Variants in SPATA6L observed in about 807,000 individuals in gnomAD.
The protein encoded by SPATA6L is spermatogenesis associated 6 like, also known as spermatogenesis associated 6-like protein.
In SPATA6L, 68 loss-of-function variants were observed where a neutral mutation model predicts 49.2. That is an observed-to-expected ratio of 1.38 (90% CI 1.14 to 1.69). SPATA6L has a LOEUF of 1.69. Ranked by LOEUF, SPATA6L falls within the 40% of genes most tolerant of loss-of-function variation. The pLI is 0.00. For synonymous variants in SPATA6L, 198 were observed against 165.7 expected (o/e 1.19, Z -1.50); for missense variants, 668 against 464.3 (o/e 1.44, Z -4.03).
At chr9:4,605,554 A>G (rs972163367) in intron 9 of SPATA6L, 114 bp from the exon 10 acceptor site, 6 of 680,580 alleles carry the variant, frequency 8.8e-6, no homozygotes, top group Non-Finnish European at 1.5e-5. Flanking sequence ...AAACAGCAGC[A>G]TGCAAAATGG....
In SPATA6L at chr9:4,625,373, T is replaced by C; in HGVS notation, c.623A>G (p.Asn208Ser). Residue 208 changes from asparagine to serine, a missense_variant, in exon 6 of 12, where the codon AAT becomes AGT. Asn to Ser is a conservative substitution (Grantham distance 46). Coordinates refer to ENST00000682582, the MANE Select transcript of SPATA6L (RefSeq NM_001353486.2). The stretch of plus-strand genomic sequence containing the variant: ...CTTGCTTCCTCCAGAGATTTTGAAA[T>C]TATTTCCAAGGTTCAACTGAGCTGG... ...DQPAQLNLGN[N>S]FKISGGSKPP... The C allele has an allele frequency of 2.5e-6, 4 of 1,614,098 alleles. No individual in the cohort carries two copies. Among genetic ancestry groups the C allele is most frequent in the Non-Finnish European group, 2.5e-6 (3 of 1,179,998 alleles).
chr9:4,664,680 T>A (rs897221780), intron 1 of SPATA6L: 1 of 167,096 alleles, frequency 6.0e-6, no homozygotes, highest in Admixed American at 6.5e-5. Flanking sequence ...TTAATGACTA[T>A]TTTGGCATTT....
chr9:4,590,161 T>C (rs1345313559), intron 13 of SPATA6L, among the ~76,000 whole-genome samples: 1 of 152,150 alleles, frequency 6.6e-6, no homozygotes, highest in South Asian at 2.1e-4. Flanking sequence ...TGACCTCAGG[T>C]GATCTGCCTG....
intron 6 of SPATA6L, among the ~76,000 whole-genome samples, chr9:4,622,994 G>C (rs1829672418): frequency 6.6e-6 from 1 of 151,756 alleles, no homozygotes; most frequent in Admixed American, 6.6e-5. Context: ...AATAAGGGTA[G>C]CTAGGCCGGG....
chr9:4,657,676 G>A (rs116822391), intron 2 of SPATA6L, among the ~76,000 whole-genome samples: 3,346 of 152,280 alleles, frequency 0.022, 109 homozygotes, highest in African/African-American at 0.075. Context: ...ATGGGCAGCA[G>A]GCTTTTACAG....
At chr9:4,642,838 A>G (rs1327270014) in intron 3 of SPATA6L, among the ~76,000 whole-genome samples, 1 of 149,446 alleles carries the variant, frequency 6.7e-6, no homozygotes, top group Non-Finnish European at 1.5e-5. Context: ...TTATATCCAG[A>G]CATCACTCCA....
At chr9:4,611,168 G>A (rs1371854047) in intron 9 of SPATA6L, among the ~76,000 whole-genome samples, 10 of 147,134 alleles carry the variant, frequency 6.8e-5, no homozygotes, top group Admixed American at 4.0e-4. Context: ...GAGAGGATGT[G>A]GAGAAATAGG....
Position 4,629,318 on chromosome 9 carries a change from G to A in SPATA6L, c.352-150C>T, listed in dbSNP as rs145273253. 409 of 561,004 alleles carry A rather than the reference G, an allele frequency of 7.3e-4. 4 individuals carry two copies. The highest frequency in any genetic ancestry group is 6.5e-3 in the African/African-American group (345 of 52,678). 34.8% of individuals were successfully genotyped at this position (561,004 alleles called of 1,614,324 possible). Reference sequence around the variant, plus strand: ...CTAAAATATATATGTAATAAGAATAGCTAAACACTTATGTAATATATATTA... The same window carrying A: ...CTAAAATATATATGTAATAAGAATAACTAAACACTTATGTAATATATATTA... On this transcript the variant is annotated intron_variant, in intron 4 of 11. Transcript: ENST00000682582.
chr9:4,606,304 A>T (rs1033949616), intron 9 of SPATA6L, among the ~76,000 whole-genome samples: 2 of 143,694 alleles, frequency 1.4e-5, no homozygotes, highest in East Asian at 4.8e-4. Context: ...CCACAGCTCA[A>T]GGAGGCCTGC....
chr9:4,662,164 C>G lies in SPATA6L; in HGVS notation c.40-128G>C, dbSNP rs7018879. The G allele has an allele frequency of 1.6e-3, 2,376 of 1,460,002 alleles. 39 individuals are homozygous for G. The African/African-American group carries it at 0.027, about 17-fold the overall frequency. 90.4% of individuals were successfully genotyped at this position (1,460,002 alleles called of 1,614,324 possible). A position where few individuals can be genotyped will look rare whatever the true frequency, so the allele number is the denominator to read the frequency against. On this transcript the variant is annotated intron_variant, in intron 1 of 11. Coordinates refer to ENST00000682582, the MANE Select transcript of SPATA6L (RefSeq NM_001353486.2). The surrounding 1 kb of genome is among the most constrained non-coding windows in gnomAD (Gnocchi z 4.9). ...TTTCCCCATCACCTCACTCCCTCAC[C>G]TGTACCTCCCAACGCCAACATCCTC...
intron 3 of SPATA6L, among the ~76,000 whole-genome samples, chr9:4,637,057 A>G (rs1212426494): frequency 6.6e-6 from 1 of 152,302 alleles, no homozygotes; most frequent in Middle Eastern, 3.4e-3. Flanking sequence ...TCGCATTAGA[A>G]TAAAATCTAA....
chr9:4,656,305 G>A (rs1251718410), intron 2 of SPATA6L, among the ~76,000 whole-genome samples: 1 of 152,088 alleles, frequency 6.6e-6, no homozygotes, highest in Non-Finnish European at 1.5e-5. Flanking sequence ...TGGGCATGGT[G>A]GCTCATGCCT....
intron 4 of SPATA6L, among the ~76,000 whole-genome samples, chr9:4,632,457 G>A (rs1312560567): frequency 3.9e-5 from 6 of 151,940 alleles, no homozygotes; most frequent in Non-Finnish European, 7.4e-5. Context: ...TCAGCCAGGC[G>A]TGGTGGTGAG....
rs756511327 is a variant in SPATA6L, at chr9:4,662,924, C to A, written c.40-888G>T. On this transcript the variant is annotated intron_variant, in intron 1 of 11. Coordinates refer to ENST00000682582, the MANE Select transcript of SPATA6L (RefSeq NM_001353486.2). The surrounding 1 kb of genome is among the most constrained non-coding windows in gnomAD (Gnocchi z 4.9). ...TGGACCTGCTGCTGGTGGCCTTGAT[C>A]AAAGGGCTGGTCCGCAGGCGCCGCC... 1 of 1,610,568 alleles carries A rather than the reference C, an allele frequency of 6.2e-7. No individual in the cohort carries two copies. Among genetic ancestry groups the A allele is most frequent in the South Asian group, 1.1e-5 (1 of 91,044 alleles).
chr9:4,590,615 A>G (rs551308156), intron 13 of SPATA6L, among the ~76,000 whole-genome samples: 1 of 152,236 alleles, frequency 6.6e-6, no homozygotes, highest in South Asian at 2.1e-4. Context: ...AAGGAATGCC[A>G]TTGCCTCTTC....
rs1346069319 is a variant in SPATA6L at position 4,599,837 on chromosome 9, C to G, written c.*974G>C. Among the ~76,000 whole-genome samples, 2 of 152,196 alleles carry G rather than the reference C, an allele frequency of 1.3e-5. No homozygotes were observed. Among genetic ancestry groups the G allele is most frequent in the Non-Finnish European group, 2.9e-5 (2 of 68,032 alleles). ...CAAATGTTGAGGGGACACAAACATT[C>G]ACACTATAGTAGGGCTGGTAGAGGA... is the stretch of plus-strand genomic sequence containing the variant. On this transcript the variant is annotated 3_prime_UTR_variant, in exon 12 of 12. Transcript: ENST00000682582.
chr9:4,634,812 C>T (rs373617912), intron 4 of SPATA6L, among the ~76,000 whole-genome samples: 2 of 152,148 alleles, frequency 1.3e-5, no homozygotes, highest in African/African-American at 4.8e-5. Flanking sequence ...CTTCAAGATC[C>T]TTCAGTAATA....
At chr9:4,616,583 TTTTG>T (rs912647687) in intron 9 of SPATA6L, among the ~76,000 whole-genome samples, 14 of 152,126 alleles carry the variant, frequency 9.2e-5, no homozygotes, top group South Asian at 2.1e-4. Flanking sequence ...AGAGCCAGTT[TTTTG>T]TTTGTTTGTT....
chr9:4,651,830 A>G (rs1014600954), intron 3 of SPATA6L, among the ~76,000 whole-genome samples: 1 of 152,214 alleles, frequency 6.6e-6, no homozygotes, highest in Non-Finnish European at 1.5e-5. Context: ...ATAAAAAACC[A>G]TATTTTAATA....
Sources: allele counts gnomAD v4.1 joint callset (sites outside exome capture counted in the v4.1 genomes callset), GRCh38; gene constraint gnomAD v4.1.1; non-coding constraint Gnocchi (gnomAD v3.1); transcripts MANE v1.5; gene names NCBI Gene and HGNC (gene_info 2026-07-23, HGNC 2026-07-21).